NFASC: variants seen among roughly 807,000 people sequenced by gnomAD.
NFASC encodes the protein neurofascin homolog.
In NFASC, 43 loss-of-function variants were observed where a neutral mutation model predicts 147.5. The ratio of observed to expected loss-of-function variants is 0.29; its 90% CI spans 0.23 to 0.38. The LOEUF is 0.38. NFASC is among the 10% of genes least tolerant of loss of function. The pLI, the probability that NFASC is intolerant of heterozygous loss-of-function variation, is 1.00. For synonymous variants in NFASC, 622 were observed against 665.5 expected (o/e 0.93, Z 1.01); for missense variants, 1,320 against 1,689.0 (o/e 0.78, Z 3.83).
chr1:204,971,066 T>G (rs563023579), intron 11 of NFASC, among the ~76,000 whole-genome samples: 14 of 152,276 alleles, frequency 9.2e-5, no homozygotes, highest in African/African-American at 2.9e-4. Context: ...GCCTGGGGAC[T>G]GTGGCTGCAT....
At chr1:204,990,746 G>A (rs904603204) in intron 23 of NFASC, among the ~76,000 whole-genome samples, 4 of 152,132 alleles carry the variant, frequency 2.6e-5, no homozygotes, top group Admixed American at 6.5e-5. Flanking sequence ...TGGAGTGGGT[G>A]CAGCTGAACA....
intron 8 of NFASC, among the ~76,000 whole-genome samples, chr1:204,958,353 T>G (rs1573734487): frequency 6.6e-6 from 1 of 152,228 alleles, no homozygotes; most frequent in African/African-American, 2.4e-5. Context: ...CTGTAATATG[T>G]ATATGCTGAA....
chr1:204,951,457 C>G (rs1361278887), intron 4 of NFASC, among the ~76,000 whole-genome samples: 1 of 149,618 alleles, frequency 6.7e-6, no homozygotes, highest in African/African-American at 2.5e-5. Flanking sequence ...AGCCACCATG[C>G]CTGGCCTATG....
At chr1:204,913,571 A>T (rs1327760785) in intron 1 of NFASC, among the ~76,000 whole-genome samples, 2 of 152,186 alleles carry the variant, frequency 1.3e-5, no homozygotes, top group Non-Finnish European at 2.9e-5. Context: ...ATAAAAGGTA[A>T]ATTTTTAAAT....
chr1:204,848,712 T>C (rs1179223919), intron 1 of NFASC, among the ~76,000 whole-genome samples: 2 of 152,234 alleles, frequency 1.3e-5, no homozygotes, highest in Admixed American at 1.3e-4. Context: ...GGTCTTCTAA[T>C]TTGAGAGTTG....
At chr1:204,981,286 G>A (rs2095504772) in intron 20 of NFASC, among the ~76,000 whole-genome samples, 1 of 152,256 alleles carries the variant, frequency 6.6e-6, no homozygotes, top group African/African-American at 2.4e-5. Context: ...AGAAAATAAA[G>A]AGCAGAATCA....
At chr1:204,882,134 C>T (rs2080374683) in intron 1 of NFASC, among the ~76,000 whole-genome samples, 2 of 152,204 alleles carry the variant, frequency 1.3e-5, no homozygotes, top group South Asian at 4.1e-4. Flanking sequence ...GCTCCCTGCA[C>T]CTATCTGGAT....
chr1:204,923,812 G>A (rs1192882958), intron 2 of NFASC, among the ~76,000 whole-genome samples: 3 of 151,936 alleles, frequency 2.0e-5, no homozygotes, highest in Non-Finnish European at 2.9e-5. Flanking sequence ...GAGTGTCAAC[G>A]GTGAAAGCTA....
intron 1 of NFASC, among the ~76,000 whole-genome samples, chr1:204,840,342 G>C (rs1268350870): frequency 4.6e-5 from 7 of 152,138 alleles, no homozygotes; most frequent in East Asian, 1.9e-4. Context: ...CTGAGGGTTG[G>C]GTCTAGGTAC....
At chr1:204,858,975 T>C (rs1159318343) in intron 1 of NFASC, among the ~76,000 whole-genome samples, 4 of 149,824 alleles carry the variant, frequency 2.7e-5, no homozygotes, top group Admixed American at 1.3e-4. Flanking sequence ...TTGAATGCAC[T>C]GACTTTTTTT....
chr1:204,921,546 G>C (rs1275958066), intron 2 of NFASC, among the ~76,000 whole-genome samples: 2 of 149,134 alleles, frequency 1.3e-5, no homozygotes, highest in Admixed American at 6.6e-5. Flanking sequence ...AGTTGGAGCT[G>C]GGGGGAGGGG....
At chr1:204,895,464 G>T (rs925407673) in intron 1 of NFASC, among the ~76,000 whole-genome samples, 17 of 152,124 alleles carry the variant, frequency 1.1e-4, no homozygotes, top group Non-Finnish European at 1.8e-4. Flanking sequence ...ATTCAACCCT[G>T]CTTTTTTACT....
intron 2 of NFASC, among the ~76,000 whole-genome samples, chr1:204,924,699 G>GT (rs1406033793): frequency 2.6e-5 from 4 of 152,198 alleles, no homozygotes; most frequent in African/African-American, 7.2e-5. Context: ...GGCTCTAAGA[G>GT]TAAACAATAA....
intron 10 of NFASC, 70 bp downstream of exon 10, chr1:204,969,052 A>G (rs1033429285): frequency 1.5e-5 from 22 of 1,454,470 alleles, no homozygotes; most frequent in Non-Finnish European, 2.0e-5. Flanking sequence ...CTTCCCTCTG[A>G]GGGTGGTTGG....
chr1:204,863,447 C>G (rs79660462), intron 1 of NFASC, among the ~76,000 whole-genome samples: 1,866 of 152,264 alleles, frequency 0.012, 30 homozygotes, highest in African/African-American at 0.042. Flanking sequence ...AGAAAACTTG[C>G]TATTTCAACC....
rs368299780 is a variant in NFASC at position 204,975,468 on chromosome 1, C to G, written c.1706+50C>G. 7.6e-5 allele frequency: 120 copies of G among 1,579,564 alleles called. 1 individual carries two copies. The highest frequency in any genetic ancestry group is 1.5e-5 in the Non-Finnish European group (17 of 1,155,758). ...CTAGTGCTAGTTTGAGGCGCATTTT[C>G]TTTTCCCTTGCTGTTGGTGACACAT... On this transcript the variant is annotated intron_variant, in intron 15 of 29. Coordinates refer to ENST00000339876, the MANE Select transcript of NFASC (RefSeq NM_001005388.3). This position sits in a 1 kb window ranked among gnomAD's most constrained non-coding sequence, Gnocchi z 4.0.
intron 23 of NFASC, 74 bp downstream of exon 23, chr1:204,988,880 G>A: frequency 1.4e-6 from 2 of 1,412,368 alleles, no homozygotes; most frequent in Non-Finnish European, 2.0e-6. Flanking sequence ...ACTGAGATCT[G>A]TAGCTGGCTG....
rs189467939 is a variant in NFASC, at chr1:204,980,531, A to G, written c.2247+91A>G. ...CTTGATGCCCCGACACTACGAGGCC[A>G]TGATGTGGTTCAGACTCTCTGGCTG... is the stretch of plus-strand genomic sequence containing the variant. On this transcript the variant is annotated intron_variant, in intron 20 of 29. Coordinates refer to ENST00000339876, the MANE Select transcript of NFASC (RefSeq NM_001005388.3). 28 of 960,342 alleles carry G rather than the reference A, an allele frequency of 2.9e-5. No individual in the cohort carries two copies. In the East Asian group the frequency reaches 5.5e-4, roughly 19 times the overall value. The allele number at this position is 960,342 out of a possible 1,614,324, so 59.5% of individuals were successfully genotyped here.
At chr1:204,859,740 T>A (rs1479905428) in intron 1 of NFASC, among the ~76,000 whole-genome samples, 2 of 152,220 alleles carry the variant, frequency 1.3e-5, no homozygotes, top group African/African-American at 4.8e-5. Flanking sequence ...TAACAACTAG[T>A]AAGGGATCTG....
Sources: allele counts gnomAD v4.1 joint callset (sites outside exome capture counted in the v4.1 genomes callset), GRCh38; gene constraint gnomAD v4.1.1; non-coding constraint Gnocchi (gnomAD v3.1); transcripts MANE v1.5; gene names NCBI Gene and HGNC (gene_info 2026-07-23, HGNC 2026-07-21).